Variants in ODC1 observed in about 807,000 individuals in gnomAD.
ODC1 encodes the protein ornithine decarboxylase 1, also known as ornithine decarboxylase.
A neutral mutation model predicts 41.5 loss-of-function variants in ODC1; 18 were observed. The observed-to-expected ratio is 0.43, with a 90% confidence interval of 0.30 to 0.64. ODC1 has a LOEUF of 0.64. ODC1 is among the 30% of genes least tolerant of loss of function. ODC1 has a pLI of 0.11. For missense variants in ODC1, 504 were observed against 589.0 expected (o/e 0.86, Z 1.49); for synonymous variants, 218 against 211.6 (o/e 1.03, Z -0.26).
At position 10,448,012 on chromosome 2, in the gene ODC1, C is replaced by T. The variant is rs2302615; in HGVS notation, c.-128+109G>A. 47,887 of 153,462 alleles carry T rather than the reference C, an allele frequency of 0.31. 7,927 individuals carry two copies. The highest frequency in any genetic ancestry group is 0.56 in the East Asian group (2,915 of 5,182). 9.5% of individuals were successfully genotyped at this position (153,462 alleles called of 1,614,324 possible). A position where few individuals can be genotyped will look rare whatever the true frequency, so the allele number is the denominator to read the frequency against. On this transcript the variant is annotated intron_variant, in intron 1 of 11. Coordinates refer to ENST00000234111, the MANE Select transcript of ODC1 (RefSeq NM_002539.3). Reference sequence around the variant, plus strand: ...GGCCCGCTCGGCGACCACGTGTCTCCGCAGGCCGGCGAGGCGCGCCGCACA... The same window carrying T: ...GGCCCGCTCGGCGACCACGTGTCTCTGCAGGCCGGCGAGGCGCGCCGCACA...
rs3771117 is a variant in ODC1 at position 10,445,888 on chromosome 2, G to A, written c.-127-624C>T. Among the ~76,000 whole-genome samples the A allele has an allele frequency of 1.9e-4, 29 of 152,160 alleles. No individual in the cohort carries two copies. In the East Asian group the frequency reaches 5.4e-3, roughly 28 times the overall value. ...TGACCCCAGGTGATCCACCCGCCTC[G>A]GTCTTCCAAAGTGCTGGGATTACAT... On this transcript the variant is annotated intron_variant, in intron 1 of 11. Coordinates refer to ENST00000234111, the MANE Select transcript of ODC1 (RefSeq NM_002539.3).
Position 10,442,168 on chromosome 2 carries a change from C to A in ODC1, c.757G>T (p.Gly253Cys), listed in dbSNP as rs150152038. The change falls in exon 9 of 12, where the codon GGC becomes TGC. Residue 253 changes from glycine (G) to cysteine (C), a missense_variant. Transcript: ENST00000234111. ...TTGTCCAACGCTGGGTTGATTACGC[C>A]GGTGATCTAAGAGAGTGAAACAGAA... ...DVKLKFEEIT[G>C]VINPALDKYF... is the part of the protein sequence containing the mutation. 18 of 1,601,956 alleles carry A rather than the reference C, an allele frequency of 1.1e-5. No homozygotes were observed. The highest frequency in any genetic ancestry group is 1.4e-5 in the Non-Finnish European group (17 of 1,175,600).
rs1396111654 is a variant in ODC1 at position 10,440,098 on chromosome 2, G to A, written c.*626C>T. On this transcript the variant is annotated 3_prime_UTR_variant, in exon 12 of 12. Transcript: ENST00000234111. ...TGGTCTCTGCAGGCCAGGCTCAAAG[G>A]GCCTCCCACACCTTCCCTGGGCACT... The A allele has an allele frequency of 1.3e-5, 2 of 152,310 alleles. No individual in the cohort carries two copies. Among genetic ancestry groups the A allele is most frequent in the African/African-American group, 4.8e-5 (2 of 41,450 alleles). 9.4% of individuals were successfully genotyped at this position (152,310 alleles called of 1,614,324 possible). A position where few individuals can be genotyped will look rare whatever the true frequency, so the allele number is the denominator to read the frequency against.
At chr2:10,443,434 G>A (rs1260678207) in intron 7 of ODC1, 56 bp downstream of exon 7, 2 of 1,572,836 alleles carry the variant, frequency 1.3e-6, no homozygotes, top group East Asian at 2.3e-5. Context: ...CTAGAATTAA[G>A]ACTAGTTATT....
intron 1 of ODC1, among the ~76,000 whole-genome samples, chr2:10,445,470 C>G (rs1671982517): frequency 1.3e-5 from 2 of 152,040 alleles, no homozygotes; most frequent in African/African-American, 4.8e-5. Context: ...CCAGGTTTTT[C>G]CAAGGCAGCA....
rs529964777 is a variant in ODC1 at position 10,443,684 on chromosome 2, A to G, written c.584+18T>C. Reference sequence around the variant, plus strand: ...CTGTTCAATGTCTTGACCTCTAGCTATCCCACCAAAATCTCACCTGACACC... The same window carrying G: ...CTGTTCAATGTCTTGACCTCTAGCTGTCCCACCAAAATCTCACCTGACACC... On this transcript the variant is annotated intron_variant, in intron 6 of 11. Coordinates refer to ENST00000234111, the MANE Select transcript of ODC1 (RefSeq NM_002539.3). 1.1e-5 allele frequency: 17 copies of G among 1,613,580 alleles called. No individual in the cohort carries two copies. The highest frequency in any genetic ancestry group is 3.3e-4 in the Middle Eastern group (2 of 6,062).
At position 10,441,739 on chromosome 2, in the gene ODC1, G is replaced by A; in HGVS notation, c.1027-16C>T. ...GTTTAGGTCTCTATATAAAGAGACGGAGAGAGGAAGTACTACTTAATTACA... is the reference window on the plus strand; with the variant it reads ...GTTTAGGTCTCTATATAAAGAGACGAAGAGAGGAAGTACTACTTAATTACA... On this transcript the variant is annotated splice_polypyrimidine_tract_variant and intron_variant, in intron 10 of 11. Coordinates refer to ENST00000234111, the MANE Select transcript of ODC1 (RefSeq NM_002539.3). The A allele has an allele frequency of 6.2e-7, 1 of 1,612,848 alleles. No homozygotes were observed. Among genetic ancestry groups the A allele is most frequent in the Non-Finnish European group, 8.5e-7 (1 of 1,178,804 alleles).
chr2:10,440,539 A>T lies in ODC1; in HGVS notation c.*185T>A. 1.8e-6 allele frequency: 1 copy of T among 549,438 alleles called. No homozygotes were observed. Among genetic ancestry groups the T allele is most frequent in the Non-Finnish European group, 3.1e-6 (1 of 320,224 alleles). 34.0% of individuals were successfully genotyped at this position (549,438 alleles called of 1,614,324 possible). A position where few individuals can be genotyped will look rare whatever the true frequency, so the allele number is the denominator to read the frequency against. On this transcript the variant is annotated 3_prime_UTR_variant, in exon 12 of 12. Coordinates refer to ENST00000234111, the MANE Select transcript of ODC1 (RefSeq NM_002539.3). ...GTGAATAAAAATCCATATAAAACAAATATTCAAATAGTTTCCATAGGAACA... is the reference window on the plus strand; with the variant it reads ...GTGAATAAAAATCCATATAAAACAATTATTCAAATAGTTTCCATAGGAACA...
chr2:10,447,184 T>C (rs953377375), intron 1 of ODC1, among the ~76,000 whole-genome samples: 4 of 152,212 alleles, frequency 2.6e-5, no homozygotes, highest in Non-Finnish European at 5.9e-5. Context: ...AGTAACTTAC[T>C]TGAATATATT....
At chr2:10,446,132 A>AT (rs924969719) in intron 1 of ODC1, among the ~76,000 whole-genome samples, 25,180 of 134,550 alleles carry the variant, frequency 0.19, 2,454 homozygotes, top group South Asian at 0.32. Flanking sequence ...AGAATTCAGT[A>AT]TTTTTTTTTT....
At chr2:10,446,795 TG>T in intron 1 of ODC1, 1 of 410,760 alleles carries the variant, frequency 2.4e-6, no homozygotes, top group East Asian at 8.4e-5. Context: ...TGCTCTGGCA[TG>T]GGGTACTATG....
In ODC1 at chr2:10,445,164, TAA is replaced by T; in HGVS notation, c.-29_-28del. ...TAAACTGAATACTTACATGGAAAACTAAGAGATGGAATTGAAAGAAATATTTC... is the reference window on the plus strand; with the variant it reads ...TAAACTGAATACTTACATGGAAAACTGAGATGGAATTGAAAGAAATATTTC... On this transcript the variant is annotated 5_prime_UTR_variant, in exon 2 of 12. Coordinates refer to ENST00000234111, the MANE Select transcript of ODC1 (RefSeq NM_002539.3). 1 of 611,520 alleles carries T rather than the reference TAA, an allele frequency of 1.6e-6. No individual in the cohort carries two copies. Among genetic ancestry groups the T allele is most frequent in the East Asian group, 2.9e-5 (1 of 35,060 alleles). The allele number at this position is 611,520 out of a possible 1,614,324, so 37.9% of individuals were successfully genotyped here.
chr2:10,441,687 T>C lies in ODC1; in HGVS notation c.1063A>G (p.Ile355Val), dbSNP rs1671824883. 1.9e-6 allele frequency: 3 copies of C among 1,614,116 alleles called. No individual in the cohort carries two copies. Among genetic ancestry groups the C allele is most frequent in the African/African-American group, 2.7e-5 (2 of 74,930 alleles). The change falls in exon 11 of 12, where the codon ATA becomes GTA. Residue 355 changes from isoleucine (I) to valine (V), a missense_variant. This residue lies in a region of ODC1 where 447 missense variants were observed against 524.4 expected (regional missense o/e 0.85). Transcript: ENST00000234111. ...KPDEKYYSSS[I>V]WGPTCDGLDR... is the part of the protein sequence containing the mutation. The stretch of plus-strand genomic sequence containing the variant: ...AGGCCATCACATGTTGGTCCCCATA[T>C]GCTGGATGAATAATACTTCTCATCT...
chr2:10,444,297 CAT>C (rs1175641293), intron 4 of ODC1, 30 bp from the exon 5 acceptor site: 2 of 1,551,292 alleles, frequency 1.3e-6, no homozygotes, highest in African/African-American at 1.4e-5. Flanking sequence ...TCATGCTATC[CAT>C]ATGTGGCTTA....
chr2:10,445,476 C>G (rs1671982898), intron 1 of ODC1, among the ~76,000 whole-genome samples: 1 of 152,136 alleles, frequency 6.6e-6, no homozygotes, highest in South Asian at 2.1e-4. Context: ...TTTTCCAAGG[C>G]AGCACACTAA....
intron 1 of ODC1, 35 bp from the exon 2 acceptor site, chr2:10,445,299 T>C (rs1347557001): frequency 1.1e-5 from 4 of 376,018 alleles, no homozygotes; most frequent in Non-Finnish European, 2.0e-5. Flanking sequence ...CTGTCTACCT[T>C]AGGAACACAT....
In ODC1 at chr2:10,442,128, T is replaced by C. The variant is rs1257691614; in HGVS notation, c.797A>G (p.Asp266Gly). The C allele has an allele frequency of 1.9e-6, 3 of 1,613,866 alleles. No individual in the cohort carries two copies. The East Asian group carries it at 6.7e-5, about 36-fold the overall frequency. ...CTCAGCTATGATTCTCACTCCAGAG[T>C]CTGACGGAAAGTATTTGTCCAACGC... The part of the protein sequence containing the change: ...NPALDKYFPS[D>G]SGVRIIAEPG... The change falls in exon 9 of 12, where the codon GAC (aspartate) becomes GGC (glycine). Residue 266 changes from aspartate to glycine, a missense_variant. This residue lies in a region of ODC1 where 447 missense variants were observed against 524.4 expected (regional missense o/e 0.85). Transcript: ENST00000234111.
In ODC1 at chr2:10,444,527, C is replaced by T; in HGVS notation, c.223G>A (p.Ala75Thr). ...GTAGCAGCAAGGGTCTTCACGATGG[C>T]TTTGCTATCATTACATTTGACTGCA... Reference protein sequence around the residue: ...FYAVKCNDSKAIVKTLAATGT... With the variant: ...FYAVKCNDSKTIVKTLAATGT... Residue 75 changes from alanine to threonine, a missense_variant, in exon 4 of 12, where the codon GCC (alanine) becomes ACC (threonine). By Grantham distance (58) the Ala-to-Thr change is moderately conservative. Around this residue, in one of 3 missense-constraint regions of ODC1, gnomAD observed 447 missense variants for 524.4 expected, o/e 0.85. Coordinates refer to ENST00000234111, the MANE Select transcript of ODC1 (RefSeq NM_002539.3). 1.2e-6 allele frequency: 2 copies of T among 1,613,976 alleles called. No individual in the cohort carries two copies. The highest frequency in any genetic ancestry group is 1.7e-6 in the Non-Finnish European group (2 of 1,179,994).
At chr2:10,441,377 A>C in intron 11 of ODC1, 132 bp downstream of exon 11, 1 of 942,356 alleles carries the variant, frequency 1.1e-6, no homozygotes, top group Non-Finnish European at 1.6e-6. Flanking sequence ...CTTTTCTAAA[A>C]CTTTTCTTAG....
Sources: allele counts gnomAD v4.1 joint callset (sites outside exome capture counted in the v4.1 genomes callset), GRCh38; gene constraint gnomAD v4.1.1; regional missense constraint gnomAD v4.1.1; transcripts MANE v1.5; gene names NCBI Gene and HGNC (gene_info 2026-07-23, HGNC 2026-07-21).